The following LGALS2 variants were observed in gnomAD, a reference collection of about 807,000 sequenced individuals.
LGALS2 encodes the protein galectin-2.
A neutral mutation model predicts 10.1 loss-of-function variants in LGALS2; 7 were observed. The observed-to-expected ratio is 0.70, with a 90% CI of 0.40 to 1.31. The LOEUF is 1.31. Among genes scored for constraint, LGALS2 ranks in the 50% most tolerant of loss-of-function variants. The pLI, the probability that LGALS2 is intolerant of heterozygous loss-of-function variation, is 0.01. For synonymous variants in LGALS2, 86 were observed against 64.2 expected, an observed-to-expected ratio of 1.34 and a Z score of -1.63; for missense variants, 167 against 163.6, an observed-to-expected ratio of 1.02 and a Z score of -0.11.
chr22:37,571,839 C>G lies in LGALS2; in HGVS notation c.89+10G>C. The G allele has an allele frequency of 6.2e-7, 1 of 1,612,824 alleles. No homozygotes were observed. On this transcript the variant is annotated intron_variant, in intron 2 of 3. Coordinates refer to ENST00000215886, the MANE Select transcript of LGALS2 (RefSeq NM_006498.3). Reference sequence around the variant, plus strand: ...CCTGCAGACTCCCCCAACCCTGAAACCTTGCTCACCCATCAGTGCCATCGG... The same window carrying G: ...CCTGCAGACTCCCCCAACCCTGAAAGCTTGCTCACCCATCAGTGCCATCGG...
chr22:37,573,014 C>G (rs1925551552), intron 1 of LGALS2, among the ~76,000 whole-genome samples: 1 of 151,438 alleles, frequency 6.6e-6, no homozygotes, highest in African/African-American at 2.4e-5. Flanking sequence ...TGGCTCACAC[C>G]TGTAATCCCA....
chr22:37,576,238 G>A (rs1215722634), intron 1 of LGALS2, among the ~76,000 whole-genome samples: 1 of 152,042 alleles, frequency 6.6e-6, no homozygotes, highest in Non-Finnish European at 1.5e-5. Context: ...GGATCACGAG[G>A]TCAGGAGAGT....
Position 37,570,591 on chromosome 22 carries a change from TG to T in LGALS2, c.233del (p.Pro78GlnfsTer9). 6.2e-7 allele frequency: 1 copy of T among 1,614,268 alleles called. No homozygotes were observed. Among genetic ancestry groups the T allele is most frequent in the Non-Finnish European group, 8.5e-7 (1 of 1,180,050 alleles). On this transcript the variant is annotated frameshift_variant, in exon 3 of 4. Coordinates refer to ENST00000215886, the MANE Select transcript of LGALS2 (RefSeq NM_006498.3). LOFTEE classifies it low-confidence loss of function (END_TRUNC). The part of the protein sequence containing the change: ...EQREDHLCFS[P>X]GSEVKFTVTF... ...TTGACCTCACCTTGACCTCTGACCC[TG>T]GGCTGAAGCACAGGTGATCTTCCCG...
chr22:37,574,040 A>C (rs1925586415), intron 1 of LGALS2, among the ~76,000 whole-genome samples: 1 of 151,626 alleles, frequency 6.6e-6, no homozygotes, highest in African/African-American at 2.4e-5. Context: ...TTCTTTTTTA[A>C]ATTTTTTCTT....
In LGALS2 at chr22:37,580,014, G is replaced by A; in HGVS notation, c.-109C>T. On this transcript the variant is annotated 5_prime_UTR_variant, in exon 1 of 4. Coordinates refer to ENST00000215886, the MANE Select transcript of LGALS2 (RefSeq NM_006498.3). ...GAATATTACACATTAACTCCCTCAA[G>A]GTCCTAGGTGAGGACTTTGCCCCTT... 2 of 1,179,784 alleles carry A rather than the reference G, an allele frequency of 1.7e-6. No individual in the cohort carries two copies. Among genetic ancestry groups the A allele is most frequent in the South Asian group, 1.4e-5 (1 of 71,908 alleles). The allele number at this position is 1,179,784 out of a possible 1,614,324, so 73.1% of individuals were successfully genotyped here. A position where few individuals can be genotyped will look rare whatever the true frequency, so the allele number is the denominator to read the frequency against.
chr22:37,571,740 T>C, intron 2 of LGALS2, 109 bp downstream of exon 2: 3 of 834,766 alleles, frequency 3.6e-6, no homozygotes, highest in Non-Finnish European at 6.1e-6. Context: ...AAGGGCCCAT[T>C]GGCCTGACGT....
At chr22:37,571,315 A>C (rs1165522690) in intron 2 of LGALS2, among the ~76,000 whole-genome samples, 1 of 152,108 alleles carries the variant, frequency 6.6e-6, no homozygotes, top group Non-Finnish European at 1.5e-5. Flanking sequence ...CTCTAACCAA[A>C]AGTAGATAAA....
At chr22:37,576,807 G>C (rs1040891257) in intron 1 of LGALS2, among the ~76,000 whole-genome samples, 13 of 152,242 alleles carry the variant, frequency 8.5e-5, no homozygotes, top group African/African-American at 2.9e-4. Context: ...CCCAAGGATA[G>C]AGGTGGGGGC....
At chr22:37,572,633 G>A (rs1348794202) in intron 1 of LGALS2, among the ~76,000 whole-genome samples, 1 of 151,930 alleles carries the variant, frequency 6.6e-6, no homozygotes, top group Admixed American at 6.6e-5. Context: ...CGGGTGTGGT[G>A]GCAGGTGCCT....
chr22:37,570,391 C>T lies in LGALS2; in HGVS notation c.271G>A (p.Asp91Asn). ...EVKFTVTFES[D>N]KFKVKLPDGH... ...TCTGGCAGCTTCACCTTGAATTTGT[C>T]ACTCTCAAAGGTCACTGTGAACTGT... Residue 91 changes from aspartate to asparagine, a missense_variant, in exon 4 of 4, where the codon GAC (aspartate) becomes AAC (asparagine). Transcript: ENST00000215886. 1 of 1,613,756 alleles carries T rather than the reference C, an allele frequency of 6.2e-7. No homozygotes were observed. Among genetic ancestry groups the T allele is most frequent in the East Asian group, 2.2e-5 (1 of 44,882 alleles).
Position 37,579,997 on chromosome 22 carries a change from C to T in LGALS2, c.-92G>A. The stretch of plus-strand genomic sequence containing the variant: ...GTCAAGCTTATATCCTAGAATATTA[C>T]ACATTAACTCCCTCAAGGTCCTAGG... On this transcript the variant is annotated 5_prime_UTR_variant, in exon 1 of 4. Coordinates refer to ENST00000215886, the MANE Select transcript of LGALS2 (RefSeq NM_006498.3). The T allele has an allele frequency of 7.2e-7, 1 of 1,383,926 alleles. No individual in the cohort carries two copies. Among genetic ancestry groups the T allele is most frequent in the Non-Finnish European group, 1.0e-6 (1 of 986,654 alleles). 85.7% of individuals were successfully genotyped at this position (1,383,926 alleles called of 1,614,324 possible).
intron 1 of LGALS2, among the ~76,000 whole-genome samples, chr22:37,572,769 AAAT>A (rs10633102): frequency 0.061 from 8,270 of 136,340 alleles, 510 homozygotes; most frequent in African/African-American, 0.16. Flanking sequence ...TCCATCTCAA[AAAT>A]AATAATAATA....
At chr22:37,577,353 T>G (rs1394931411) in intron 1 of LGALS2, among the ~76,000 whole-genome samples, 1 of 49,188 alleles carries the variant, frequency 2.0e-5, no homozygotes, top group Admixed American at 2.7e-4. Flanking sequence ...CAATGTGACC[T>G]TTTTTTTTTT....
chr22:37,577,706 C>A (rs928940474), intron 1 of LGALS2, among the ~76,000 whole-genome samples: 1 of 152,042 alleles, frequency 6.6e-6, no homozygotes, highest in Admixed American at 6.6e-5. Flanking sequence ...AAAATAGTTC[C>A]TTTGCATATG....
intron 1 of LGALS2, among the ~76,000 whole-genome samples, chr22:37,572,154 C>A (rs1028271895): frequency 6.6e-6 from 1 of 152,242 alleles, no homozygotes; most frequent in Admixed American, 6.5e-5. Context: ...CTCTTATCCA[C>A]CCCAACCCGA....
chr22:37,578,218 G>A (rs925717311), intron 1 of LGALS2, among the ~76,000 whole-genome samples: 6 of 152,186 alleles, frequency 3.9e-5, no homozygotes, highest in Non-Finnish European at 8.8e-5. Flanking sequence ...ACCTCAGTGG[G>A]AATCCACTCA....
intron 1 of LGALS2, among the ~76,000 whole-genome samples, chr22:37,578,285 T>C (rs950332519): frequency 2.0e-5 from 3 of 152,000 alleles, no homozygotes; most frequent in Non-Finnish European, 4.4e-5. Context: ...AGACTTGGGT[T>C]TTGTGTGTGG....
At chr22:37,575,675 G>A (rs1035318974) in intron 1 of LGALS2, among the ~76,000 whole-genome samples, 4 of 149,902 alleles carry the variant, frequency 2.7e-5, no homozygotes, top group East Asian at 2.0e-4. Flanking sequence ...GGCCAGCCTC[G>A]ACCTCCTGAG....
intron 1 of LGALS2, among the ~76,000 whole-genome samples, chr22:37,578,325 C>T (rs866922597): frequency 3.3e-4 from 50 of 152,232 alleles, no homozygotes; most frequent in South Asian, 2.1e-4. Context: ...ACTCTGTTGC[C>T]CAGGCTGGAG....
Sources: allele counts gnomAD v4.1 joint callset (sites outside exome capture counted in the v4.1 genomes callset), GRCh38; gene constraint gnomAD v4.1.1; transcripts MANE v1.5; gene names NCBI Gene and HGNC (gene_info 2026-07-23, HGNC 2026-07-21).